The following ELFN2 variants were observed in gnomAD, a reference collection of about 807,000 sequenced individuals.
The protein encoded by ELFN2 is protein phosphatase 1 regulatory subunit 29.
In ELFN2, 17 loss-of-function variants were observed where a neutral mutation model predicts 45.5. The ratio of observed to expected loss-of-function variants is 0.37; its 90% CI spans 0.26 to 0.56. ELFN2 has a LOEUF of 0.56. Among genes scored for constraint, ELFN2 ranks in the 20% least tolerant of loss-of-function variants. The pLI is 0.77. For missense variants in ELFN2, 922 were observed against 1,183.2 expected (o/e 0.78, Z 3.24); for synonymous variants, 550 against 551.5 (o/e 1.00, Z 0.04).
At chr22:37,351,131 G>C (rs1930811247) in intron 1 of ELFN2, among the ~76,000 whole-genome samples, 1 of 149,664 alleles carries the variant, frequency 6.7e-6, no homozygotes, top group African/African-American at 2.4e-5. Flanking sequence ...CCACCTGCCT[G>C]CCTCCTCTCC....
intron 1 of ELFN2, chr22:37,354,034 C>T (rs1216477442): frequency 2.0e-5 from 3 of 152,246 alleles, no homozygotes; most frequent in Non-Finnish European, 4.4e-5. Context: ...CGGTTGAATG[C>T]ATAAATCCAT....
intron 2 of ELFN2, among the ~76,000 whole-genome samples, chr22:37,379,927 G>GC (rs932430784): frequency 1.3e-5 from 2 of 152,156 alleles, no homozygotes; most frequent in African/African-American, 4.8e-5. Flanking sequence ...TCCCACCCCT[G>GC]CCCCCCCTCG....
chr22:37,425,696 C>A (rs1432868648), intron 1 of ELFN2, among the ~76,000 whole-genome samples: 1 of 152,148 alleles, frequency 6.6e-6, no homozygotes, highest in African/African-American at 2.4e-5. Flanking sequence ...CCAGAGGTAC[C>A]CACCTCCCCA....
intron 2 of ELFN2, among the ~76,000 whole-genome samples, chr22:37,380,404 A>G (rs984239801): frequency 1.3e-5 from 2 of 152,154 alleles, no homozygotes; most frequent in Non-Finnish European, 2.9e-5. Flanking sequence ...CAGACATGAC[A>G]GAGACACACA....
intron 1 of ELFN2, among the ~76,000 whole-genome samples, chr22:37,345,672 G>A (rs887012532): frequency 3.3e-5 from 5 of 151,472 alleles, no homozygotes; most frequent in Non-Finnish European, 5.9e-5. Flanking sequence ...CTCAGCCTCC[G>A]GAGTAGCTGG....
At position 37,407,275 on chromosome 22, in the gene ELFN2, C is replaced by T. The variant is rs576676204; in HGVS notation, c.-463+10494G>A. Among the ~76,000 whole-genome samples, 15 of 152,250 alleles carry T rather than the reference C, an allele frequency of 9.9e-5. No individual in the cohort carries two copies. In the South Asian group the frequency reaches 2.5e-3, roughly 25 times the overall value. Reference sequence around the variant, plus strand: ...TCTGAAATTCAGGCTATACCACAAGCGAGCTGGAGGGCACGATTTTTGGAA... The same window carrying T: ...TCTGAAATTCAGGCTATACCACAAGTGAGCTGGAGGGCACGATTTTTGGAA... On this transcript the variant is annotated intron_variant, in intron 2 of 2. Transcript: ENST00000402918.
rs1931307599 is a variant in ELFN2 at position 37,369,601 on chromosome 22, C to CT, written c.*3470dup. 6.6e-6 allele frequency: 1 copy of CT among 152,302 alleles called. No homozygotes were observed. Among genetic ancestry groups the CT allele is most frequent in the South Asian group, 2.1e-4 (1 of 4,840 alleles). 9.4% of individuals were successfully genotyped at this position (152,302 alleles called of 1,614,324 possible). A position where few individuals can be genotyped will look rare whatever the true frequency, so the allele number is the denominator to read the frequency against. On this transcript the variant is annotated 3_prime_UTR_variant, in exon 3 of 3. Transcript: ENST00000402918. ...CATGCCAGACCTCTGTGTTTTGCTA[C>CT]TGGAAGGCCATAAGCTCCAACAGAG...
intron 1 of ELFN2, among the ~76,000 whole-genome samples, chr22:37,421,894 C>T (rs1932811735): frequency 6.6e-6 from 1 of 152,170 alleles, no homozygotes; most frequent in South Asian, 2.1e-4. Context: ...GGTCGGCTGA[C>T]CCCACAGCCT....
rs897196020 is a variant in ELFN2 at position 37,372,202 on chromosome 22, T to TGG, written c.*868_*869dup. 12 of 152,550 alleles carry TGG rather than the reference T, an allele frequency of 7.9e-5. No homozygotes were observed. The highest frequency in any genetic ancestry group is 2.9e-4 in the African/African-American group (12 of 41,428). The allele number at this position is 152,550 out of a possible 1,614,324, so 9.4% of individuals were successfully genotyped here. ...GTGGAAGACACTTGAAGTGGGCTGGTGGAATGTCGCCCTGCCTCGGCTCCT... is the reference window on the plus strand; with the variant it reads ...GTGGAAGACACTTGAAGTGGGCTGGTGGGGAATGTCGCCCTGCCTCGGCTCCT... On this transcript the variant is annotated 3_prime_UTR_variant, in exon 3 of 3. Coordinates refer to ENST00000402918, the MANE Select transcript of ELFN2 (RefSeq NM_052906.5). The surrounding 1 kb of genome is among the most constrained non-coding windows in gnomAD (Gnocchi z 4.4).
At chr22:37,363,364 C>A (rs1931130999), downstream of ELFN2, among the ~76,000 whole-genome samples, 1 of 152,108 alleles carries the variant, frequency 6.6e-6, no homozygotes, top group Non-Finnish European at 1.5e-5. Flanking sequence ...GAGTTTTCTC[C>A]CCCTAGACCA....
chr22:37,395,595 C>G (rs894463950), intron 2 of ELFN2, among the ~76,000 whole-genome samples: 79 of 152,282 alleles, frequency 5.2e-4, no homozygotes, highest in African/African-American at 1.7e-3. Context: ...CCTTGGCTGG[C>G]TCTGTGGCAG....
chr22:37,359,230 G>A lies in ELFN2; in HGVS notation n.149-16527C>T, dbSNP rs549477844. Among the ~76,000 whole-genome samples the A allele has an allele frequency of 5.3e-5, 8 of 152,290 alleles. No homozygotes were observed. The East Asian group carries it at 5.8e-4, about 11-fold the overall frequency. On this transcript the variant is annotated intron_variant and non_coding_transcript_variant, in intron 1 of 2. Transcript: ENST00000452946. ...GCAATCATCTGGTCCAAATGAGGAA[G>A]GGAAGGAGAGTAACCAAGTTTGGAT...
At chr22:37,354,689 T>A (rs1930908990) in intron 1 of ELFN2, 1 of 151,904 alleles carries the variant, frequency 6.6e-6, no homozygotes, top group South Asian at 2.1e-4. Context: ...TTTTGCTATC[T>A]TTCATTTAAT....
intron 1 of ELFN2, among the ~76,000 whole-genome samples, chr22:37,420,852 G>C (rs1932804556): frequency 6.6e-6 from 1 of 152,180 alleles, no homozygotes; most frequent in Non-Finnish European, 1.5e-5. Context: ...GCACTTCTCT[G>C]AGCTCAAGCT....
chr22:37,394,544 C>G (rs964716966), intron 2 of ELFN2, among the ~76,000 whole-genome samples: 1 of 152,206 alleles, frequency 6.6e-6, no homozygotes, highest in Non-Finnish European at 1.5e-5. Context: ...GTCCAGCCCC[C>G]GTGGACCGTC....
chr22:37,344,305 C>T (rs1930643925), intron 1 of ELFN2, among the ~76,000 whole-genome samples: 1 of 151,464 alleles, frequency 6.6e-6, no homozygotes, highest in South Asian at 2.1e-4. Flanking sequence ...CCAGTCACCA[C>T]ACTCACACAA....
intron 1 of ELFN2, among the ~76,000 whole-genome samples, chr22:37,349,786 G>A (rs1017188156): frequency 1.3e-5 from 2 of 151,192 alleles, no homozygotes; most frequent in African/African-American, 4.8e-5. Context: ...TGTGCCCACG[G>A]AAGTTAAGGC....
intron 2 of ELFN2, among the ~76,000 whole-genome samples, chr22:37,408,029 T>C (rs1172856325): frequency 6.6e-6 from 1 of 152,184 alleles, no homozygotes; most frequent in Non-Finnish European, 1.5e-5. Flanking sequence ...GGGAGCTGGA[T>C]GAGATGCTGT....
chr22:37,340,649 A>G (rs143820742), exon 3 of ELFN2: 2 of 152,062 alleles, frequency 1.3e-5, no homozygotes, highest in South Asian at 4.2e-4. Context: ...GGGAGCGGGG[A>G]GGCTGCCCGA....
Sources: gnomAD v4.1 joint callset for allele counts (sites outside exome capture counted in the v4.1 genomes callset) on GRCh38, gnomAD v4.1.1 for gene constraint, Gnocchi (gnomAD v3.1) non-coding constraint, MANE v1.5 for transcripts, NCBI Gene and HGNC (gene_info 2026-07-23, HGNC 2026-07-21) for gene names.